Variants in TYW1B observed in about 807,000 individuals in gnomAD.
TYW1B encodes the protein tRNA-yW synthesizing protein 1 homolog B, also known as S-adenosyl-L-methionine-dependent tRNA 4-demethylwyosine synthase TYW1B.
In TYW1B, 73 loss-of-function variants were observed where a neutral mutation model predicts 86.9. That is an observed-to-expected ratio of 0.84 (90% CI 0.70 to 1.02). The LOEUF (loss-of-function observed/expected upper bound fraction) is 1.02. Ranked by LOEUF, TYW1B falls within the 50% of genes least tolerant of loss-of-function variation. The pLI is 0.00. For synonymous variants in TYW1B, 248 were observed against 292.8 expected (o/e 0.85, Z 1.56); for missense variants, 637 against 827.4 (o/e 0.77, Z 2.82).
At chr7:72,756,328 G>A (rs1423716962) in intron 7 of TYW1B, among the ~76,000 whole-genome samples, 4 of 151,406 alleles carry the variant, frequency 2.6e-5, no homozygotes, top group South Asian at 2.1e-4. Context: ...TCCGCCTCCC[G>A]GGTTCAAGCG....
chr7:72,627,743 C>A (rs576951003), intron 12 of TYW1B, among the ~76,000 whole-genome samples: 27 of 151,990 alleles, frequency 1.8e-4, no homozygotes, highest in African/African-American at 6.3e-4. Context: ...ACAAACAAAC[C>A]CACACACACA....
intron 6 of TYW1B, among the ~76,000 whole-genome samples, chr7:72,789,939 C>CTTT (rs67405029): frequency 1.1e-3 from 77 of 69,204 alleles, no homozygotes; most frequent in East Asian, 3.3e-3. Flanking sequence ...ATAGGATTAT[C>CTTT]TTTTTTTTTT....
chr7:72,726,879 C>T (rs868916533), intron 9 of TYW1B, among the ~76,000 whole-genome samples: 1 of 152,014 alleles, frequency 6.6e-6, no homozygotes, highest in Non-Finnish European at 1.5e-5. Flanking sequence ...ACTATCACAG[C>T]GGAAGGCAAA....
chr7:72,657,197 T>C (rs188099063), intron 11 of TYW1B, among the ~76,000 whole-genome samples: 1,792 of 152,186 alleles, frequency 0.012, 37 homozygotes, highest in African/African-American at 0.041. Context: ...AAGAATTTAA[T>C]GAATGAAATA....
intron 13 of TYW1B, among the ~76,000 whole-genome samples, chr7:72,587,958 G>A (rs1554430752): frequency 6.6e-6 from 1 of 152,174 alleles, no homozygotes; most frequent in East Asian, 1.9e-4. Flanking sequence ...TTTCATTACA[G>A]TGGTATCTTT....
At chr7:72,669,002 C>T (rs1224766134) in intron 11 of TYW1B, among the ~76,000 whole-genome samples, 1 of 152,010 alleles carries the variant, frequency 6.6e-6, no homozygotes, top group Non-Finnish European at 1.5e-5. Context: ...TAGCACAGAA[C>T]TTGAAATATA....
chr7:72,693,037 C>T (rs1286996172), intron 11 of TYW1B, among the ~76,000 whole-genome samples: 7 of 152,046 alleles, frequency 4.6e-5, no homozygotes, highest in South Asian at 2.1e-4. Flanking sequence ...TACCAAATGA[C>T]GCCTGGGATG....
At chr7:72,805,117 C>T (rs1366245363) in intron 5 of TYW1B, among the ~76,000 whole-genome samples, 4 of 151,618 alleles carry the variant, frequency 2.6e-5, no homozygotes, top group African/African-American at 9.7e-5. Flanking sequence ...TTCCTCTGGT[C>T]CTCACAAAGA....
At chr7:72,769,059 G>T in intron 7 of TYW1B, 1 of 370,496 alleles carries the variant, frequency 2.7e-6, no homozygotes, top group Non-Finnish European at 5.2e-6. Context: ...TTTATGGGAT[G>T]GTGCAAGGAA....
chr7:72,591,626 G>C (rs1554431448), intron 13 of TYW1B, among the ~76,000 whole-genome samples: 1 of 152,094 alleles, frequency 6.6e-6, no homozygotes, highest in African/African-American at 2.4e-5. Context: ...ATAAACAAAA[G>C]CTGAGGTAGT....
At chr7:72,793,928 C>A (rs1563096005) in intron 6 of TYW1B, among the ~76,000 whole-genome samples, 1 of 152,124 alleles carries the variant, frequency 6.6e-6, no homozygotes, top group African/African-American at 2.4e-5. Flanking sequence ...CCTCTTACCT[C>A]TAGCCCCACA....
At chr7:72,798,453 T>C (rs185273507) in intron 6 of TYW1B, among the ~76,000 whole-genome samples, 1 of 152,142 alleles carries the variant, frequency 6.6e-6, no homozygotes. Context: ...GGAAATCACA[T>C]TAATGCATAT....
chr7:72,724,344 G>T (rs1786960115), intron 9 of TYW1B, among the ~76,000 whole-genome samples: 1 of 152,114 alleles, frequency 6.6e-6, no homozygotes, highest in African/African-American at 2.4e-5. Context: ...GCGGTAGCAT[G>T]CATCTGTAGT....
intron 1 of TYW1B, 113 bp downstream of exon 1, chr7:72,827,959 G>T: frequency 6.4e-7 from 1 of 1,561,968 alleles, no homozygotes; most frequent in Non-Finnish European, 8.7e-7. Flanking sequence ...GCTGTCAAGT[G>T]CAACAGTCTC....
intron 2 of TYW1B, among the ~76,000 whole-genome samples, chr7:72,823,390 G>A (rs1788868098): frequency 6.6e-6 from 1 of 151,918 alleles, no homozygotes; most frequent in South Asian, 2.1e-4. Context: ...GGGAGGCCAA[G>A]GCGGGCAGAT....
At chr7:72,608,287 T>C (rs1235554223) in intron 13 of TYW1B, among the ~76,000 whole-genome samples, 1 of 148,496 alleles carries the variant, frequency 6.7e-6, no homozygotes, top group Non-Finnish European at 1.5e-5. Flanking sequence ...CAATAAACTC[T>C]TCTTCTCTTG....
chr7:72,753,473 A>G (rs1387017335), intron 7 of TYW1B, among the ~76,000 whole-genome samples: 1 of 139,664 alleles, frequency 7.2e-6, no homozygotes, highest in Non-Finnish European at 1.5e-5. Context: ...TCAGATGATC[A>G]TTAGCAATTT....
At chr7:72,632,200 A>C (rs1812507632) in intron 11 of TYW1B, among the ~76,000 whole-genome samples, 1 of 147,110 alleles carries the variant, frequency 6.8e-6, no homozygotes, top group Non-Finnish European at 1.5e-5. Context: ...TGGAGGCTGC[A>C]GTGAGCCATG....
intron 13 of TYW1B, among the ~76,000 whole-genome samples, chr7:72,609,129 T>A (rs1393153262): frequency 6.6e-6 from 1 of 152,196 alleles, no homozygotes; most frequent in African/African-American, 2.4e-5. Flanking sequence ...TTCCTGTGAA[T>A]CTATAATTGT....
Sources: gnomAD v4.1 joint callset for allele counts (sites outside exome capture counted in the v4.1 genomes callset) on GRCh38, gnomAD v4.1.1 for gene constraint, MANE v1.5 for transcripts, NCBI Gene and HGNC (gene_info 2026-07-23, HGNC 2026-07-21) for gene names.